Variants in SLCO2B1 observed in about 807,000 individuals in gnomAD.
SLCO2B1 encodes OATP-RP2.
SLCO2B1 carries 41 observed loss-of-function variants against 67.3 expected under a neutral mutation model. The ratio of observed to expected loss-of-function variants is 0.61; its 90% CI spans 0.47 to 0.79. SLCO2B1 has a LOEUF of 0.79. Ranked by LOEUF, SLCO2B1 falls within the 30% of genes least tolerant of loss-of-function variation. The pLI is 0.00. For synonymous variants in SLCO2B1, 379 were observed against 381.4 expected, an observed-to-expected ratio of 0.99 and a Z score of 0.07; for missense variants, 837 against 920.1, an observed-to-expected ratio of 0.91 and a Z score of 1.17.
intron 1 of SLCO2B1, among the ~76,000 whole-genome samples, chr11:75,159,449 C>T (rs1197131864): frequency 1.3e-5 from 2 of 152,254 alleles, no homozygotes; most frequent in Non-Finnish European, 2.9e-5. Context: ...GTCCCATCCT[C>T]CTGTCAGGGG....
intron 1 of SLCO2B1, among the ~76,000 whole-genome samples, chr11:75,154,559 T>C (rs1031266596): frequency 2.0e-5 from 3 of 152,210 alleles, no homozygotes; most frequent in Non-Finnish European, 4.4e-5. Flanking sequence ...TTCTGTTACC[T>C]GCCCAAGGCC....
Position 75,204,412 on chromosome 11 carries a change from C to A in SLCO2B1, c.1962C>A (p.Leu654=). The part of the protein sequence containing the change: ...NDLLRNRFIG[L]QFFFKTGSVI... ...ATTCTTTCCCCAGGTTCATCGGCCT[C>A]CAGTTCTTCTTCAAAACAGGTTCTG... Residue 654 remains leucine (L), a synonymous_variant, in exon 14 of 14, where the codon CTC becomes CTA. Coordinates refer to ENST00000289575, the MANE Select transcript of SLCO2B1 (RefSeq NM_007256.5). 1 of 1,606,550 alleles carries A rather than the reference C, an allele frequency of 6.2e-7. No individual in the cohort carries two copies. The highest frequency in any genetic ancestry group is 8.5e-7 in the Non-Finnish European group (1 of 1,176,576).
chr11:75,179,015 T>C (rs1440161353), intron 7 of SLCO2B1, among the ~76,000 whole-genome samples: 3 of 152,202 alleles, frequency 2.0e-5, no homozygotes, highest in Non-Finnish European at 4.4e-5. Context: ...CATTCATCCA[T>C]TGATGGACTC....
At chr11:75,183,236 T>C (rs1428445304) in intron 7 of SLCO2B1, among the ~76,000 whole-genome samples, 1 of 152,160 alleles carries the variant, frequency 6.6e-6, no homozygotes, top group Middle Eastern at 3.2e-3. Context: ...TGATGAAACA[T>C]TTTCCTTTTT....
At chr11:75,162,597 G>A (rs1033501557) in intron 1 of SLCO2B1, 58 bp from the exon 2 acceptor site, 1 of 1,575,608 alleles carries the variant, frequency 6.3e-7, no homozygotes, top group African/African-American at 1.4e-5. Flanking sequence ...ATCTAATCAG[G>A]TCAGGGCCAT....
chr11:75,190,780 C>G (rs894334207), intron 8 of SLCO2B1, among the ~76,000 whole-genome samples: 2 of 152,136 alleles, frequency 1.3e-5, no homozygotes, highest in Admixed American at 6.5e-5. Context: ...TACCTGGCCT[C>G]TAGCTGGGTG....
chr11:75,194,192 C>T (rs1272189362), intron 9 of SLCO2B1, among the ~76,000 whole-genome samples: 1 of 152,218 alleles, frequency 6.6e-6, no homozygotes, highest in African/African-American at 2.4e-5. Context: ...CAGCACCTGC[C>T]TCTGCCCTCC....
At chr11:75,184,499 TCC>T (rs944929957) in intron 7 of SLCO2B1, among the ~76,000 whole-genome samples, 3 of 152,204 alleles carry the variant, frequency 2.0e-5, no homozygotes, top group African/African-American at 7.2e-5. Flanking sequence ...GAAGCAAAGG[TCC>T]TGTGTCTTAC....
chr11:75,204,139 A>T (rs1443699247), intron 13 of SLCO2B1: 1 of 340,774 alleles, frequency 2.9e-6, no homozygotes, highest in East Asian at 4.7e-5. Context: ...AGGCCCCCTG[A>T]GCCCTTGGGC....
intron 12 of SLCO2B1, 104 bp from the exon 13 acceptor site, chr11:75,203,203 A>C: frequency 1.3e-6 from 2 of 1,492,152 alleles, no homozygotes; most frequent in Non-Finnish European, 1.8e-6. Flanking sequence ...CCAGACAGCC[A>C]AGAGGCCCCA....
At chr11:75,190,666 G>C (rs1412903837) in intron 8 of SLCO2B1, among the ~76,000 whole-genome samples, 2 of 152,206 alleles carry the variant, frequency 1.3e-5, no homozygotes, top group East Asian at 3.8e-4. Flanking sequence ...AACTAGAGGA[G>C]GTTCCTGGGG....
rs1450653283 is a variant in SLCO2B1, at chr11:75,200,243, G to T, written c.1619G>T (p.Ser540Ile). Reference protein sequence around the residue: ...DNSQVFYTNCSCVVEGNPVLA... With the variant: ...DNSQVFYTNCICVVEGNPVLA... Reference sequence around the variant, plus strand: ...CTCCAGGTTTTCTACACCAACTGCAGCTGCGTGGTGGAGGGCAACCCCGTG... The same window carrying T: ...CTCCAGGTTTTCTACACCAACTGCATCTGCGTGGTGGAGGGCAACCCCGTG... The change falls in exon 11 of 14, where the codon AGC (serine) becomes ATC (isoleucine). Residue 540 changes from serine (S) to isoleucine (I), a missense_variant. Physicochemically the swap from Ser to Ile is moderately radical, Grantham distance 142. Transcript: ENST00000289575. 2 of 1,612,592 alleles carry T rather than the reference G, an allele frequency of 1.2e-6. No individual in the cohort carries two copies. Among genetic ancestry groups the T allele is most frequent in the Non-Finnish European group, 1.7e-6 (2 of 1,179,092 alleles).
intron 7 of SLCO2B1, among the ~76,000 whole-genome samples, chr11:75,179,409 T>G (rs1950068219): frequency 6.6e-6 from 1 of 151,818 alleles, no homozygotes; most frequent in African/African-American, 2.4e-5. Context: ...TTTTTGTATT[T>G]TTAGTAGAGA....
intron 10 of SLCO2B1, among the ~76,000 whole-genome samples, chr11:75,198,395 T>C (rs1945132862): frequency 6.6e-6 from 1 of 152,204 alleles, no homozygotes; most frequent in Non-Finnish European, 1.5e-5. Flanking sequence ...ATGAATTCAT[T>C]AACTAGTAAG....
In SLCO2B1 at chr11:75,202,888, C is replaced by G. The variant is rs180880571; in HGVS notation, c.1764-13C>G. 6.2e-7 allele frequency: 1 copy of G among 1,613,254 alleles called. No individual in the cohort carries two copies. The highest frequency in any genetic ancestry group is 2.2e-5 in the East Asian group (1 of 44,828). On this transcript the variant is annotated splice_polypyrimidine_tract_variant and intron_variant, in intron 11 of 13. Coordinates refer to ENST00000289575, the MANE Select transcript of SLCO2B1 (RefSeq NM_007256.5). The stretch of plus-strand genomic sequence containing the variant: ...CCCTCCAACCTCATGTTGCCCATGT[C>G]TCTGCTTGTTAGAGGAGTGAAGAAA...
chr11:75,187,808 T>C (rs1193405879), intron 7 of SLCO2B1, among the ~76,000 whole-genome samples: 2 of 152,166 alleles, frequency 1.3e-5, no homozygotes, highest in Non-Finnish European at 2.9e-5. Flanking sequence ...CTGAAAGGAA[T>C]AGAAATGATG....
At chr11:75,185,021 A>T (rs1272596199) in intron 7 of SLCO2B1, among the ~76,000 whole-genome samples, 1 of 152,172 alleles carries the variant, frequency 6.6e-6, no homozygotes, top group Non-Finnish European at 1.5e-5. Context: ...GGAATGAAAG[A>T]AGAAAGAAGA....
chr11:75,200,149 T>G (rs1945160584), intron 10 of SLCO2B1, 75 bp from the exon 11 acceptor site: 3 of 1,479,824 alleles, frequency 2.0e-6, no homozygotes, highest in Non-Finnish European at 2.7e-6. Flanking sequence ...TCACAAGCCT[T>G]CCCCGCTGCA....
intron 1 of SLCO2B1, among the ~76,000 whole-genome samples, chr11:75,157,421 G>A (rs1949758088): frequency 6.6e-6 from 1 of 152,204 alleles, no homozygotes; most frequent in Non-Finnish European, 1.5e-5. Flanking sequence ...CCAGGAAGGA[G>A]GGATTACAGT....
Sources: gnomAD v4.1 joint callset for allele counts (sites outside exome capture counted in the v4.1 genomes callset) on GRCh38, gnomAD v4.1.1 for gene constraint, MANE v1.5 for transcripts, NCBI Gene and HGNC (gene_info 2026-07-23, HGNC 2026-07-21) for gene names.